The following SCAMP1 variants were observed in gnomAD, a reference collection of about 807,000 sequenced individuals.
SCAMP1 encodes secretory carrier membrane protein 1, also known as secretory carrier-associated membrane protein 1.
Under a neutral mutation model 41.8 loss-of-function variants are expected in SCAMP1, and 15 were observed. That is an observed-to-expected ratio of 0.36 (90% CI 0.24 to 0.55). SCAMP1 has a LOEUF of 0.55. SCAMP1 is among the 20% of genes least tolerant of loss of function. SCAMP1 has a pLI of 0.86. For synonymous variants in SCAMP1, 135 were observed against 136.8 expected, an observed-to-expected ratio of 0.99 and a Z score of 0.09; for missense variants, 341 against 412.6, an observed-to-expected ratio of 0.83 and a Z score of 1.50.
intron 1 of SCAMP1, among the ~76,000 whole-genome samples, chr5:78,363,623 G>C (rs769700361): frequency 1.4e-4 from 21 of 152,192 alleles, no homozygotes; most frequent in Non-Finnish European, 2.1e-4. Flanking sequence ...AATCCTATTT[G>C]TTTTCCATTG....
intron 2 of SCAMP1, among the ~76,000 whole-genome samples, chr5:78,407,640 T>TCC (rs1431901569): frequency 8.1e-4 from 114 of 140,568 alleles, no homozygotes; most frequent in Middle Eastern, 3.6e-3. Flanking sequence ...TTTTTTTTTT[T>TCC]CCCCTCTGGA....
At chr5:78,463,581 G>A (rs563613331) in intron 8 of SCAMP1, among the ~76,000 whole-genome samples, 1 of 152,282 alleles carries the variant, frequency 6.6e-6, no homozygotes, top group East Asian at 1.9e-4. Flanking sequence ...AGTGATAGAT[G>A]TTCCTTTTGA....
intron 1 of SCAMP1, among the ~76,000 whole-genome samples, chr5:78,366,147 T>TC (rs1750790117): frequency 6.8e-6 from 1 of 147,994 alleles, no homozygotes; most frequent in Non-Finnish European, 1.5e-5. Flanking sequence ...TTCTTTTCTT[T>TC]TCTTTTTTTT....
chr5:78,374,040 G>A (rs1035522197), intron 1 of SCAMP1, among the ~76,000 whole-genome samples: 4 of 152,084 alleles, frequency 2.6e-5, no homozygotes, highest in Non-Finnish European at 4.4e-5. Flanking sequence ...GATGGAGTAA[G>A]AGTAGGTTAT....
chr5:78,377,865 G>A (rs1751105827), intron 1 of SCAMP1, among the ~76,000 whole-genome samples: 1 of 152,052 alleles, frequency 6.6e-6, no homozygotes, highest in Non-Finnish European at 1.5e-5. Flanking sequence ...ACATTTTACT[G>A]ATGAAAAAAC....
chr5:78,417,317 C>T (rs1044096424), intron 4 of SCAMP1, among the ~76,000 whole-genome samples: 3 of 152,160 alleles, frequency 2.0e-5, no homozygotes, highest in Admixed American at 6.5e-5. Context: ...TTCTTTTTAA[C>T]TTAGAATGTG....
chr5:78,377,867 T>C (rs141594704), intron 1 of SCAMP1, among the ~76,000 whole-genome samples: 149 of 152,264 alleles, frequency 9.8e-4, no homozygotes, highest in African/African-American at 3.3e-3. Flanking sequence ...ATTTTACTGA[T>C]GAAAAAACTG....
intron 6 of SCAMP1, among the ~76,000 whole-genome samples, chr5:78,441,160 G>A (rs1156923027): frequency 6.6e-6 from 1 of 152,200 alleles, no homozygotes; most frequent in Non-Finnish European, 1.5e-5. Context: ...CACTTCCCAG[G>A]TGAGGTGACA....
chr5:78,479,041 CTGT>C lies in SCAMP1; in HGVS notation c.*3378_*3380del, dbSNP rs1352539210. On this transcript the variant is annotated 3_prime_UTR_variant, in exon 9 of 9. Coordinates refer to ENST00000621999, the MANE Select transcript of SCAMP1 (RefSeq NM_004866.6). ...ATTGCTGTATCTTTTTCTGAAAACA[CTGT>C]TGTTAACATCTAATTCAGTATCCTT... The C allele has an allele frequency of 6.6e-6, 1 of 152,162 alleles. No homozygotes were observed. Among genetic ancestry groups the C allele is most frequent in the African/African-American group, 2.4e-5 (1 of 41,466 alleles). 9.4% of individuals were successfully genotyped at this position (152,162 alleles called of 1,614,324 possible).
intron 6 of SCAMP1, among the ~76,000 whole-genome samples, chr5:78,434,724 T>G (rs1394212600): frequency 6.6e-6 from 1 of 152,226 alleles, no homozygotes. Context: ...TGGCATCATT[T>G]GCACTTCAGA....
At chr5:78,390,271 A>G (rs1241136498) in intron 2 of SCAMP1, among the ~76,000 whole-genome samples, 1 of 152,250 alleles carries the variant, frequency 6.6e-6, no homozygotes, top group Non-Finnish European at 1.5e-5. Flanking sequence ...AAGCATTAAA[A>G]TAAGAATGAA....
intron 1 of SCAMP1, among the ~76,000 whole-genome samples, 162 bp from the exon 2 acceptor site, chr5:78,388,675 C>T (rs1419614845): frequency 6.6e-6 from 1 of 152,154 alleles, no homozygotes; most frequent in Non-Finnish European, 1.5e-5. Context: ...TAAATTTCAC[C>T]ATTGTTGAAA....
chr5:78,371,278 G>C (rs756691372), intron 1 of SCAMP1, among the ~76,000 whole-genome samples: 3 of 152,104 alleles, frequency 2.0e-5, no homozygotes, highest in African/African-American at 4.8e-5. Context: ...TCTTCAAAGA[G>C]TTTTATAGTT....
At chr5:78,469,941 CAG>C (rs1753845317) in intron 8 of SCAMP1, among the ~76,000 whole-genome samples, 3 of 88,946 alleles carry the variant, frequency 3.4e-5, no homozygotes, top group East Asian at 3.6e-4. Flanking sequence ...AACAACAACA[CAG>C]CCCAGGCATG....
intron 2 of SCAMP1, among the ~76,000 whole-genome samples, chr5:78,410,931 A>T (rs1319700891): frequency 6.6e-6 from 1 of 152,022 alleles, no homozygotes; most frequent in Non-Finnish European, 1.5e-5. Flanking sequence ...TGTTGGCCCC[A>T]TGAATGTCTT....
chr5:78,422,043 G>C (rs1041096292), intron 6 of SCAMP1, 83 bp downstream of exon 6: 3 of 1,186,608 alleles, frequency 2.5e-6, no homozygotes, highest in African/African-American at 3.1e-5. Flanking sequence ...GAAAATTGAT[G>C]CATTTTCATT....
chr5:78,360,755 C>A, intron 1 of SCAMP1, 27 bp downstream of exon 1: 1 of 1,592,016 alleles, frequency 6.3e-7, no homozygotes, highest in Non-Finnish European at 8.6e-7. Context: ...GCATCTCCTG[C>A]CGCCGCGACG....
chr5:78,388,548 A>G (rs549628909), intron 1 of SCAMP1, among the ~76,000 whole-genome samples: 1 of 152,226 alleles, frequency 6.6e-6, no homozygotes, highest in Non-Finnish European at 1.5e-5. Context: ...TTGTGTAGTC[A>G]GTTCCACACA....
intron 8 of SCAMP1, among the ~76,000 whole-genome samples, chr5:78,475,142 A>T (rs549087692): frequency 7.9e-5 from 12 of 152,270 alleles, no homozygotes; most frequent in Non-Finnish European, 1.6e-4. Flanking sequence ...TGGGGTAATA[A>T]ATTAATGTAT....
Sources: allele counts gnomAD v4.1 joint callset (sites outside exome capture counted in the v4.1 genomes callset), GRCh38; gene constraint gnomAD v4.1.1; transcripts MANE v1.5; gene names NCBI Gene and HGNC (gene_info 2026-07-23, HGNC 2026-07-21).